The following PRH1 variants were observed in gnomAD, a reference collection of about 807,000 sequenced individuals.
PRH1 encodes proline rich protein HaeIII subfamily 1, also known as salivary acidic proline-rich phosphoprotein 1/2.
PRH1 carries 7 observed loss-of-function variants against 7.9 expected under a neutral mutation model. The ratio of observed to expected loss-of-function variants is 0.89; its 90% CI spans 0.50 to 1.67. PRH1 has a LOEUF of 1.67. Among genes scored for constraint, PRH1 ranks in the 40% most tolerant of loss-of-function variants. The probability of loss-of-function intolerance (pLI) is 0.00; values close to 1 mark genes in which losing one functional copy is unlikely to be tolerated. For synonymous variants in PRH1, 45 were observed against 80.8 expected (o/e 0.56, Z 2.38); for missense variants, 109 against 223.6 (o/e 0.49, Z 3.27).
At chr12:11,164,677 T>G (rs1418344241) in intron 1 of PRH1, among the ~76,000 whole-genome samples, 1 of 152,166 alleles carries the variant, frequency 6.6e-6, no homozygotes, top group African/African-American at 2.4e-5. Context: ...ACTCCCTGAT[T>G]AAACTTCTTC....
At chr12:10,896,592 T>C (rs1949648376) in intron 2 of PRH1, among the ~76,000 whole-genome samples, 1 of 151,928 alleles carries the variant, frequency 6.6e-6, no homozygotes, top group Non-Finnish European at 1.5e-5. Flanking sequence ...TGAAACCCTG[T>C]CTCTACTAAA....
intron 1 of PRH1, among the ~76,000 whole-genome samples, chr12:11,164,020 C>A (rs1369512800): frequency 6.6e-6 from 1 of 152,132 alleles, no homozygotes. Flanking sequence ...CAAATATACT[C>A]CTAGGAATCA....
At chr12:11,163,930 TA>T (rs2136460880) in intron 1 of PRH1, among the ~76,000 whole-genome samples, 1 of 152,120 alleles carries the variant, frequency 6.6e-6, no homozygotes, top group Admixed American at 6.5e-5. Flanking sequence ...CACTTTGAGG[TA>T]AAGCTATTAT....
At chr12:10,904,078 G>A (rs1339529238) in intron 2 of PRH1, among the ~76,000 whole-genome samples, 1 of 151,284 alleles carries the variant, frequency 6.6e-6, no homozygotes, top group Non-Finnish European at 1.5e-5. Flanking sequence ...AATGAATATT[G>A]TTAAAATGGT....
chr12:11,146,884 A>G (rs541827973), intron 1 of PRH1, among the ~76,000 whole-genome samples: 5 of 152,310 alleles, frequency 3.3e-5, no homozygotes, highest in African/African-American at 1.2e-4. Context: ...AAAGTAAATT[A>G]CCTAAATATA....
chr12:11,069,288 G>C (rs1157457078), intron 1 of PRH1, among the ~76,000 whole-genome samples: 22 of 152,060 alleles, frequency 1.4e-4, no homozygotes, highest in African/African-American at 4.8e-4. Context: ...TATATGCCAA[G>C]ATGTGTGAAT....
chr12:10,888,616 GTTT>G (rs772736166), upstream of PRH1, among the ~76,000 whole-genome samples: 2 of 152,070 alleles, frequency 1.3e-5, no homozygotes, highest in African/African-American at 2.4e-5. Flanking sequence ...CATATTTTTT[GTTT>G]TTTATTTATA....
chr12:11,054,022 T>C (rs781238046), intron 1 of PRH1, among the ~76,000 whole-genome samples: 1 of 152,144 alleles, frequency 6.6e-6, no homozygotes, highest in Non-Finnish European at 1.5e-5. Flanking sequence ...GGTTTCACTA[T>C]ATTGGCCAGG....
At chr12:10,972,481 C>G (rs10845262) in intron 2 of PRH1, among the ~76,000 whole-genome samples, 36,054 of 152,086 alleles carry the variant, frequency 0.24, 4,314 homozygotes, top group Non-Finnish European at 0.25. Context: ...TATTCATACA[C>G]TGTTCTTTCT....
intron 1 of PRH1, among the ~76,000 whole-genome samples, chr12:11,007,866 CA>C (rs1419864469): frequency 6.6e-6 from 1 of 151,990 alleles, no homozygotes; most frequent in Non-Finnish European, 1.5e-5. Flanking sequence ...CTCAAATTAC[CA>C]GAGTGATCCA....
intron 2 of PRH1, among the ~76,000 whole-genome samples, chr12:10,896,201 T>C (rs979465126): frequency 6.6e-6 from 1 of 152,216 alleles, no homozygotes; most frequent in Non-Finnish European, 1.5e-5. Context: ...ACATGCAAAA[T>C]TGAAGTAGAT....
chr12:10,986,832 G>GA lies in PRH1; in HGVS notation c.-125-13112dup, dbSNP rs79147066. On this transcript the variant is annotated intron_variant, in intron 1 of 3. Transcript: ENST00000539853. ...AACAAATAAAACCATTATTAGAATT[G>GA]AAAAAAAAATGTATAGAAAAGTTAT... 448 of 1,506,112 alleles carry GA rather than the reference G, an allele frequency of 3.0e-4. 1 individual carries two copies. Among genetic ancestry groups the GA allele is most frequent in the South Asian group, 7.5e-4 (54 of 72,022 alleles). 93.3% of individuals were successfully genotyped at this position (1,506,112 alleles called of 1,614,324 possible). A position where few individuals can be genotyped will look rare whatever the true frequency, so the allele number is the denominator to read the frequency against.
chr12:11,101,684 T>C (rs765203947), intron 1 of PRH1, among the ~76,000 whole-genome samples: 1 of 152,154 alleles, frequency 6.6e-6, no homozygotes, highest in Non-Finnish European at 1.5e-5. Flanking sequence ...AACATACAGA[T>C]ACAGAGTAAT....
chr12:11,151,852 T>C (rs1407584941), intron 1 of PRH1, among the ~76,000 whole-genome samples: 1 of 152,056 alleles, frequency 6.6e-6, no homozygotes, highest in Non-Finnish European at 1.5e-5. Flanking sequence ...CCCTCTTAAA[T>C]CTATTAGTGA....
At chr12:11,122,993 T>C (rs1446772387) in intron 1 of PRH1, among the ~76,000 whole-genome samples, 5 of 151,742 alleles carry the variant, frequency 3.3e-5, no homozygotes, top group Admixed American at 3.3e-4. Context: ...TATAATGATC[T>C]TTTTTTATTT....
At chr12:11,038,596 T>C (rs1264301220) in intron 1 of PRH1, among the ~76,000 whole-genome samples, 1 of 152,282 alleles carries the variant, frequency 6.6e-6, no homozygotes, top group East Asian at 1.9e-4. Flanking sequence ...TGTATTATTC[T>C]GTTGTAAACA....
At chr12:11,009,167 T>C (rs35977481) in intron 1 of PRH1, among the ~76,000 whole-genome samples, 1 of 151,564 alleles carries the variant, frequency 6.6e-6, no homozygotes, top group Non-Finnish European at 1.5e-5. Flanking sequence ...AAAAATATCA[T>C]TTTTAATTTC....
At chr12:11,001,091 AG>A (rs1453156277) in intron 1 of PRH1, among the ~76,000 whole-genome samples, 1 of 152,044 alleles carries the variant, frequency 6.6e-6, no homozygotes, top group Admixed American at 6.6e-5. Context: ...ATAGAATAAA[AG>A]CTTGGTCTAC....
intron 1 of PRH1, among the ~76,000 whole-genome samples, chr12:11,129,121 A>G (rs1033397282): frequency 3.3e-5 from 5 of 152,376 alleles, no homozygotes; most frequent in African/African-American, 9.6e-5. Context: ...CGGAGTTTCC[A>G]TATGATGCAC....
Sources: gnomAD v4.1 joint callset for allele counts (sites outside exome capture counted in the v4.1 genomes callset) on GRCh38, gnomAD v4.1.1 for gene constraint, MANE v1.5 for transcripts, NCBI Gene and HGNC (gene_info 2026-07-23, HGNC 2026-07-21) for gene names.